Variants in DMXL2 observed in about 807,000 individuals in gnomAD.
DMXL2 encodes Dmx like 2, also known as dmX-like protein 2.
DMXL2 carries 103 observed loss-of-function variants against 331.1 expected under a neutral mutation model. The observed-to-expected ratio is 0.31, with a 90% CI of 0.27 to 0.37. The LOEUF (loss-of-function observed/expected upper bound fraction) is 0.37. Among genes scored for constraint, DMXL2 ranks in the 10% least tolerant of loss-of-function variants. The pLI is 1.00. For missense variants in DMXL2, 3,171 were observed against 3,642.9 expected, an observed-to-expected ratio of 0.87 and a Z score of 3.33; for synonymous variants, 1,281 against 1,252.1, an observed-to-expected ratio of 1.02 and a Z score of -0.49.
intron 29 of DMXL2, chr15:51,466,586 T>C (rs956470012): frequency 6.5e-6 from 1 of 152,934 alleles, no homozygotes; most frequent in African/African-American, 2.4e-5. Flanking sequence ...TTTTAATCAA[T>C]AGTTTTCTTC....
chr15:51,580,445 G>A (rs1489585179), intron 1 of DMXL2, among the ~76,000 whole-genome samples: 2 of 152,144 alleles, frequency 1.3e-5, no homozygotes, highest in African/African-American at 4.8e-5. Context: ...AGGGAGGCAA[G>A]GAAAAGGACT....
intron 13 of DMXL2, among the ~76,000 whole-genome samples, chr15:51,530,877 A>AT (rs2047963166): frequency 6.6e-6 from 1 of 152,222 alleles, no homozygotes; most frequent in Admixed American, 6.5e-5. Flanking sequence ...GATGAAAGAA[A>AT]TTGAAGAGGA....
At chr15:51,558,148 T>C (rs1467755279) in intron 6 of DMXL2, among the ~76,000 whole-genome samples, 1 of 152,194 alleles carries the variant, frequency 6.6e-6, no homozygotes, top group South Asian at 2.1e-4. Context: ...CTTCAAATGA[T>C]GTGTGTAAAG....
At chr15:51,498,468 C>T in intron 18 of DMXL2, 84 bp downstream of exon 18, 1 of 1,370,150 alleles carries the variant, frequency 7.3e-7, no homozygotes. Flanking sequence ...GTTGAGACTG[C>T]AATTCAGTAA....
At chr15:51,490,117 G>T (rs1006543569) in intron 20 of DMXL2, among the ~76,000 whole-genome samples, 12 of 152,158 alleles carry the variant, frequency 7.9e-5, no homozygotes, top group Non-Finnish European at 5.9e-5. Flanking sequence ...TTTAGTTGGT[G>T]CAGGAATGAA....
Position 51,449,075 on chromosome 15 carries a change from C to T in DMXL2, c.9086G>A (p.Arg3029Gln), listed in dbSNP as rs1458872900. 2.1e-5 allele frequency: 34 copies of T among 1,614,124 alleles called. No homozygotes were observed. The highest frequency in any genetic ancestry group is 2.9e-5 in the Non-Finnish European group (34 of 1,180,036). ...VMQIDIIQGN[R>Q]LFSCGADGTL... ...GCCATCTGCACCACAGGAGAAGAGC[C>T]GATTGCCCTGGATGATGTCAATCTG... The change falls in exon 44 of 44, where the codon CGG (arginine) becomes CAG (glutamine). Residue 3029 changes from arginine to glutamine, a missense_variant. By Grantham distance (43) the Arg-to-Gln change is conservative. This residue lies in a region of DMXL2 where 766 missense variants were observed against 940.5 expected (regional missense o/e 0.81). Transcript: ENST00000560891.
intron 9 of DMXL2, among the ~76,000 whole-genome samples, chr15:51,540,834 A>G (rs1280789430): frequency 6.6e-6 from 1 of 152,194 alleles, no homozygotes; most frequent in Non-Finnish European, 1.5e-5. Flanking sequence ...AGTGAAGGTT[A>G]GTAAAGAAGA....
At chr15:51,503,836 T>C (rs576417043) in intron 16 of DMXL2, among the ~76,000 whole-genome samples, 11 of 152,312 alleles carry the variant, frequency 7.2e-5, no homozygotes, top group African/African-American at 2.6e-4. Context: ...TAAATACGTA[T>C]AATTATTATG....
chr15:51,535,937 T>C (rs1372013425), intron 12 of DMXL2, among the ~76,000 whole-genome samples, 153 bp from the exon 13 acceptor site: 2 of 152,148 alleles, frequency 1.3e-5, no homozygotes, highest in African/African-American at 4.8e-5. Flanking sequence ...TACAAAATTA[T>C]TAACAAAAAG....
At position 51,481,416 on chromosome 15, in the gene DMXL2, C is replaced by T; in HGVS notation, c.5690G>A (p.Cys1897Tyr). The change falls in exon 24 of 44, where the codon TGC becomes TAC. Residue 1897 changes from cysteine (C) to tyrosine (Y), a missense_variant. Cys to Tyr is a radical substitution (Grantham distance 194). Coordinates refer to ENST00000560891, the MANE Select transcript of DMXL2 (RefSeq NM_001378457.1). ...TTANAHFKVG[C>Y]PVLALEVLSK... ...GAGTACCTCCAAGGCTAAAACAGGG[C>T]ATCCAACTTTAAAATGAGCATTTGC... is the stretch of plus-strand genomic sequence containing the variant. 2 of 1,611,660 alleles carry T rather than the reference C, an allele frequency of 1.2e-6. No homozygotes were observed. Among genetic ancestry groups the T allele is most frequent in the Non-Finnish European group, 8.5e-7 (1 of 1,178,920 alleles).
intron 1 of DMXL2, among the ~76,000 whole-genome samples, chr15:51,588,396 T>C (rs2052023150): frequency 6.6e-6 from 1 of 152,108 alleles, no homozygotes; most frequent in Admixed American, 6.6e-5. Flanking sequence ...TGGGCTCAAG[T>C]GATCTGGCCA....
chr15:51,551,283 A>G (rs1437008837), intron 6 of DMXL2, among the ~76,000 whole-genome samples: 2 of 152,184 alleles, frequency 1.3e-5, no homozygotes, highest in African/African-American at 4.8e-5. Flanking sequence ...ATCTTTCCAT[A>G]AGAATTATGA....
chr15:51,452,607 G>A (rs1046274924), intron 41 of DMXL2, among the ~76,000 whole-genome samples: 1 of 152,172 alleles, frequency 6.6e-6, no homozygotes, highest in African/African-American at 2.4e-5. Flanking sequence ...ACGCTGGCAT[G>A]GAGGTGGTGA....
At chr15:51,605,519 T>TAACGAACATAGATG (rs1567177982) in intron 1 of DMXL2, among the ~76,000 whole-genome samples, 5 of 42,064 alleles carry the variant, frequency 1.2e-4, no homozygotes, top group African/African-American at 4.9e-4. Flanking sequence ...TTAATATTCT[T>TAACGAACATAGATG]TTTTTTTTTT....
At chr15:51,593,798 C>T (rs1339413940) in intron 1 of DMXL2, among the ~76,000 whole-genome samples, 2 of 152,210 alleles carry the variant, frequency 1.3e-5, no homozygotes, top group Non-Finnish European at 1.5e-5. Context: ...AACTCAACAA[C>T]CTGCTCCTGA....
chr15:51,576,194 A>AAAAAAAAG lies in DMXL2; in HGVS notation c.88-14_88-13insCTTTTTTT. The AAAAAAAAG allele has an allele frequency of 6.9e-7, 1 of 1,459,848 alleles. No individual in the cohort carries two copies. The highest frequency in any genetic ancestry group is 9.1e-7 in the Non-Finnish European group (1 of 1,100,336). The allele number at this position is 1,459,848 out of a possible 1,614,324, so 90.4% of individuals were successfully genotyped here. ...CTGATCCATATGCCTAAAAAAAAAA[A>AAAAAAAAG]AAAAAAAAAGTTTTACAATACATAA... On this transcript the variant is annotated splice_polypyrimidine_tract_variant and intron_variant, in intron 1 of 43. Coordinates refer to ENST00000560891, the MANE Select transcript of DMXL2 (RefSeq NM_001378457.1).
chr15:51,452,456 A>G (rs2039232647), intron 41 of DMXL2, among the ~76,000 whole-genome samples: 1 of 152,180 alleles, frequency 6.6e-6, no homozygotes, highest in Non-Finnish European at 1.5e-5. Flanking sequence ...TGAACAGATA[A>G]TTCTCAAAAT....
intron 14 of DMXL2, among the ~76,000 whole-genome samples, chr15:51,516,131 T>C (rs1027720125): frequency 6.6e-6 from 1 of 152,182 alleles, no homozygotes; most frequent in Non-Finnish European, 1.5e-5. Flanking sequence ...TAGTTGGCTC[T>C]TTCTTCATTT....
intron 19 of DMXL2, among the ~76,000 whole-genome samples, chr15:51,493,681 A>G (rs2042959676): frequency 6.6e-6 from 1 of 152,198 alleles, no homozygotes; most frequent in Non-Finnish European, 1.5e-5. Context: ...GGAAAATGGA[A>G]TTTGACACAG....
Sources: allele counts gnomAD v4.1 joint callset (sites outside exome capture counted in the v4.1 genomes callset), GRCh38; gene constraint gnomAD v4.1.1; regional missense constraint gnomAD v4.1.1; transcripts MANE v1.5; gene names NCBI Gene and HGNC (gene_info 2026-07-23, HGNC 2026-07-21).